NBAS: variants seen among roughly 807,000 people sequenced by gnomAD.
NBAS encodes NBAS subunit of NRZ tethering complex.
In NBAS, 219 loss-of-function variants were observed where a neutral mutation model predicts 302.5. That is an observed-to-expected ratio of 0.72 (90% CI 0.65 to 0.81). The LOEUF (loss-of-function observed/expected upper bound fraction) is 0.81. Ranked by LOEUF, NBAS falls within the 30% of genes least tolerant of loss-of-function variation. NBAS has a pLI of 0.00. For missense variants in NBAS, 2,932 were observed against 2,841.6 expected, an observed-to-expected ratio of 1.03 and a Z score of -0.72; for synonymous variants, 1,118 against 1,021.6, an observed-to-expected ratio of 1.09 and a Z score of -1.80.
intron 11 of NBAS, among the ~76,000 whole-genome samples, chr2:15,501,584 A>ATTTTTTTTTTTTTTTTTTTTTTTT (rs70961416): frequency 9.3e-6 from 1 of 107,226 alleles, no homozygotes; most frequent in Non-Finnish European, 1.8e-5. Context: ...TGAACTAAAT[A>ATTTTTTTTTTTTTTTTTTTTTTTT]TTTTTTTTTT....
At chr2:15,180,299 A>C (rs1029147702) in intron 50 of NBAS, 2 of 152,210 alleles carry the variant, frequency 1.3e-5, no homozygotes, top group African/African-American at 4.8e-5. Flanking sequence ...TCAGAGTAGA[A>C]GGCTGTGCTA....
chr2:15,249,861 A>T (rs1191440027), intron 44 of NBAS, among the ~76,000 whole-genome samples: 1 of 152,190 alleles, frequency 6.6e-6, no homozygotes, highest in Non-Finnish European at 1.5e-5. Context: ...AAGAATCAAT[A>T]TCGTGAAAAT....
At chr2:15,024,800 T>TTTG in the NBAS span, among the ~76,000 whole-genome samples, 1 of 152,244 alleles carries the variant, frequency 6.6e-6, no homozygotes, top group African/African-American at 2.4e-5. Flanking sequence ...CTTTGCCCAC[T>TTTG]TTGTAATGGG....
chr2:14,892,307 A>C, the NBAS span, among the ~76,000 whole-genome samples: 2 of 152,296 alleles, frequency 1.3e-5, no homozygotes, highest in South Asian at 4.1e-4. Context: ...TCAATAAACA[A>C]GCAAGCAAAC....
chr2:15,463,126 T>A (rs1227521526), intron 19 of NBAS, among the ~76,000 whole-genome samples: 1 of 151,894 alleles, frequency 6.6e-6, no homozygotes, highest in Non-Finnish European at 1.5e-5. Context: ...AACAAAAAAT[T>A]AGCTGGGCAT....
At chr2:15,489,815 C>T (rs74815916) in intron 11 of NBAS, among the ~76,000 whole-genome samples, 2,955 of 152,290 alleles carry the variant, frequency 0.019, 68 homozygotes, top group East Asian at 0.058. Context: ...CCACCACCTA[C>T]GATACACTCA....
At chr2:15,000,304 G>A in the NBAS span, among the ~76,000 whole-genome samples, 1 of 152,160 alleles carries the variant, frequency 6.6e-6, no homozygotes, top group South Asian at 2.1e-4. Context: ...CACTTAGAAT[G>A]AGATACTCCT....
At chr2:15,165,969 A>G (rs533847894), downstream of NBAS, among the ~76,000 whole-genome samples, 52 of 151,738 alleles carry the variant, frequency 3.4e-4, no homozygotes, top group African/African-American at 1.2e-3. Flanking sequence ...GATGCCTCCA[A>G]CGGCCCCCCG....
chr2:15,066,617 T>C, the NBAS span, among the ~76,000 whole-genome samples: 1 of 152,176 alleles, frequency 6.6e-6, no homozygotes, highest in Non-Finnish European at 1.5e-5. Flanking sequence ...TCGACATCAC[T>C]AATCATCAGG....
At chr2:15,522,792 A>T (rs968742147) in intron 9 of NBAS, among the ~76,000 whole-genome samples, 7 of 152,238 alleles carry the variant, frequency 4.6e-5, no homozygotes, top group Admixed American at 3.3e-4. Flanking sequence ...ACTGCCCCAA[A>T]ATTTAACTAC....
intron 31 of NBAS, 30 bp from the exon 32 acceptor site, chr2:15,366,723 G>A (rs1375006353): frequency 1.9e-6 from 3 of 1,599,094 alleles, no homozygotes; most frequent in African/African-American, 1.3e-5. Flanking sequence ...TAAAGACTTG[G>A]ACCAGGGACA....
At chr2:15,498,826 G>A (rs899843358) in intron 11 of NBAS, among the ~76,000 whole-genome samples, 1 of 151,766 alleles carries the variant, frequency 6.6e-6, no homozygotes, top group African/African-American at 2.4e-5. Context: ...CGCCATGATT[G>A]TAAGTTTCCA....
intron 44 of NBAS, among the ~76,000 whole-genome samples, chr2:15,264,013 G>A (rs1668963882): frequency 6.6e-6 from 1 of 152,194 alleles, no homozygotes. Flanking sequence ...TAGCTATTAG[G>A]AGATAAATCT....
intron 51 of NBAS, among the ~76,000 whole-genome samples, chr2:15,170,067 C>T (rs753317876): frequency 2.0e-5 from 3 of 152,186 alleles, no homozygotes; most frequent in Admixed American, 6.5e-5. Flanking sequence ...GCCCTGAATA[C>T]GTCTTCTAGG....
At chr2:15,097,361 G>T in the NBAS span, among the ~76,000 whole-genome samples, 1 of 152,146 alleles carries the variant, frequency 6.6e-6, no homozygotes, top group African/African-American at 2.4e-5. Flanking sequence ...CTGAGAGGGG[G>T]CTCTGCTCAG....
the NBAS span, among the ~76,000 whole-genome samples, chr2:14,917,942 T>A: frequency 6.6e-6 from 1 of 152,124 alleles, no homozygotes; most frequent in Non-Finnish European, 1.5e-5. Context: ...AGATATAACA[T>A]CTTCTAAATA....
chr2:15,074,669 TAAAC>T, the NBAS span, among the ~76,000 whole-genome samples: 2 of 151,660 alleles, frequency 1.3e-5, no homozygotes, highest in Non-Finnish European at 2.9e-5. Context: ...GGGAAAAACA[TAAAC>T]AAAACCAAAA....
chr2:15,374,176 C>G (rs563934939), intron 31 of NBAS, among the ~76,000 whole-genome samples: 1 of 151,906 alleles, frequency 6.6e-6, no homozygotes, highest in Non-Finnish European at 1.5e-5. Flanking sequence ...AATAGATGGA[C>G]GTAATATACT....
the NBAS span, among the ~76,000 whole-genome samples, chr2:15,096,582 A>G: frequency 6.6e-6 from 1 of 151,938 alleles, no homozygotes; most frequent in South Asian, 2.1e-4. Context: ...AAATGCAACA[A>G]CTCTCCTTAT....
Sources: gnomAD v4.1 joint callset for allele counts (sites outside exome capture counted in the v4.1 genomes callset) on GRCh38, gnomAD v4.1.1 for gene constraint, MANE v1.5 for transcripts, NCBI Gene and HGNC (gene_info 2026-07-23, HGNC 2026-07-21) for gene names.